Variants in ACYP2 observed in about 807,000 individuals in gnomAD.
ACYP2 encodes the protein acylphosphatase 2.
Under a neutral mutation model 11.2 loss-of-function variants are expected in ACYP2, and 12 were observed. That is an observed-to-expected ratio of 1.08 (90% CI 0.69 to 1.74). The LOEUF is 1.74. Among genes scored for constraint, ACYP2 ranks in the 40% most tolerant of loss-of-function variants. The pLI is 0.00. For missense variants in ACYP2, 134 were observed against 101.9 expected, an observed-to-expected ratio of 1.31 and a Z score of -1.35; for synonymous variants, 43 against 32.2, an observed-to-expected ratio of 1.33 and a Z score of -1.13.
At chr2:54,164,164 A>C (rs540674820) in intron 6 of ACYP2, among the ~76,000 whole-genome samples, 1 of 152,020 alleles carries the variant, frequency 6.6e-6, no homozygotes, top group African/African-American at 2.4e-5. Flanking sequence ...TTCAGAGGAG[A>C]GGGAAGGTGG....
chr2:54,209,920 C>T (rs1268049847), intron 6 of ACYP2, among the ~76,000 whole-genome samples: 7 of 152,100 alleles, frequency 4.6e-5, no homozygotes, highest in African/African-American at 7.2e-5. Flanking sequence ...GCTGGCGGAT[C>T]GCTTGAGGCC....
chr2:54,255,741 C>T (rs1463941424), intron 6 of ACYP2: 3 of 1,613,864 alleles, frequency 1.9e-6, no homozygotes, highest in Non-Finnish European at 2.5e-6. Flanking sequence ...CTTCAGACTC[C>T]GACCTCCCTG....
chr2:54,209,097 C>T (rs1685218803), intron 6 of ACYP2, among the ~76,000 whole-genome samples: 1 of 150,734 alleles, frequency 6.6e-6, no homozygotes, highest in Admixed American at 6.6e-5. Context: ...GTTAGTACCA[C>T]CCAGAAACTG....
chr2:53,981,444 T>G (rs1284648168), intron 2 of ACYP2, among the ~76,000 whole-genome samples: 1 of 152,136 alleles, frequency 6.6e-6, no homozygotes, highest in Non-Finnish European at 1.5e-5. Flanking sequence ...TGGCCCACAA[T>G]CAGTCTGATT....
chr2:54,151,204 C>A (rs750302400), intron 6 of ACYP2, among the ~76,000 whole-genome samples: 1 of 152,142 alleles, frequency 6.6e-6, no homozygotes, highest in Non-Finnish European at 1.5e-5. Flanking sequence ...ATTTGAACAC[C>A]TTTCTGCCTT....
At chr2:53,989,277 CTTTTTTT>C (rs775237196) in intron 2 of ACYP2, among the ~76,000 whole-genome samples, 4 of 94,806 alleles carry the variant, frequency 4.2e-5, no homozygotes, top group African/African-American at 1.2e-4. Context: ...GTAGACAATT[CTTTTTTT>C]TTTTTTTTTT....
chr2:54,214,184 A>G (rs1268670783), intron 6 of ACYP2, among the ~76,000 whole-genome samples: 1 of 152,078 alleles, frequency 6.6e-6, no homozygotes, highest in Non-Finnish European at 1.5e-5. Flanking sequence ...CTTCCATTCC[A>G]TAGGTTGTCT....
At chr2:54,015,969 A>G (rs1247618873) in intron 2 of ACYP2, among the ~76,000 whole-genome samples, 1 of 152,092 alleles carries the variant, frequency 6.6e-6, no homozygotes, top group Non-Finnish European at 1.5e-5. Flanking sequence ...CCAGCTAACT[A>G]GAATTTTAAA....
intron 6 of ACYP2, among the ~76,000 whole-genome samples, chr2:54,218,487 C>T (rs1685651975): frequency 6.6e-6 from 1 of 152,168 alleles, no homozygotes; most frequent in South Asian, 2.1e-4. Context: ...TGTGTTACAG[C>T]ATGATACTAA....
At chr2:54,102,398 AG>A (rs1678942934) in intron 4 of ACYP2, among the ~76,000 whole-genome samples, 2 of 152,166 alleles carry the variant, frequency 1.3e-5, no homozygotes, top group African/African-American at 2.4e-5. Context: ...TGCTGGCCTC[AG>A]GGTTGATTGA....
At chr2:54,082,545 C>T (rs939153284) in intron 4 of ACYP2, 1 of 152,178 alleles carries the variant, frequency 6.6e-6, no homozygotes, top group Non-Finnish European at 1.5e-5. Flanking sequence ...CACACCCAAC[C>T]TATAGTTCCT....
intron 4 of ACYP2, among the ~76,000 whole-genome samples, chr2:54,100,747 G>A (rs1382959343): frequency 1.3e-5 from 2 of 152,148 alleles, no homozygotes; most frequent in African/African-American, 4.8e-5. Flanking sequence ...TGCCTCAGCC[G>A]ATTCACAGGG....
Position 54,221,156 on chromosome 2 carries a change from C to T in ACYP2, c.404+82408C>T, listed in dbSNP as rs148769506. On this transcript the variant is annotated intron_variant, in intron 6 of 6. Transcript: ENST00000607452. ...GGTTCCAGAATTAACACAAGTGAAT[C>T]GAACCTGAGCCCAACCTATAGCCTG... Among the ~76,000 whole-genome samples the T allele has an allele frequency of 3.8e-4, 58 of 152,218 alleles. 1 individual carries two copies. The East Asian group carries it at 0.01, about 27-fold the overall frequency.
chr2:54,046,776 T>G (rs1281295593), intron 2 of ACYP2, among the ~76,000 whole-genome samples: 1 of 152,148 alleles, frequency 6.6e-6, no homozygotes, highest in Non-Finnish European at 1.5e-5. Context: ...CTTGAAATTA[T>G]TAATAATTTT....
chr2:54,166,456 G>C (rs1682979286), intron 6 of ACYP2, among the ~76,000 whole-genome samples: 1 of 152,160 alleles, frequency 6.6e-6, no homozygotes, highest in South Asian at 2.1e-4. Context: ...AAACTCTTGA[G>C]ACTGAATAAA....
At chr2:54,153,096 C>T (rs1682257613) in intron 6 of ACYP2, among the ~76,000 whole-genome samples, 1 of 151,934 alleles carries the variant, frequency 6.6e-6, no homozygotes. Context: ...TTTTTAAAAT[C>T]AGTTTCAGGT....
intron 2 of ACYP2, among the ~76,000 whole-genome samples, chr2:53,998,720 G>C (rs778029515): frequency 5.9e-5 from 9 of 152,092 alleles, no homozygotes; most frequent in Non-Finnish European, 1.0e-4. Flanking sequence ...AGAGGCTGAG[G>C]ATGGAGGATG....
intron 2 of ACYP2, among the ~76,000 whole-genome samples, chr2:53,974,319 C>T (rs1671357201): frequency 6.6e-6 from 1 of 152,068 alleles, no homozygotes; most frequent in Non-Finnish European, 1.5e-5. Flanking sequence ...GAGTCATTGA[C>T]CTTTAGAAGC....
intron 6 of ACYP2, among the ~76,000 whole-genome samples, chr2:54,213,740 T>A (rs1289612606): frequency 6.6e-6 from 1 of 151,852 alleles, no homozygotes; most frequent in Non-Finnish European, 1.5e-5. Flanking sequence ...AACTATCTGT[T>A]GATGTCCTTT....
Sources: gnomAD v4.1 joint callset for allele counts (sites outside exome capture counted in the v4.1 genomes callset) on GRCh38, gnomAD v4.1.1 for gene constraint, MANE v1.5 for transcripts, NCBI Gene and HGNC (gene_info 2026-07-23, HGNC 2026-07-21) for gene names.